TDRD3: variants seen among roughly 807,000 people sequenced by gnomAD.
TDRD3 encodes the protein tudor domain containing 3, also known as tudor domain-containing protein 3.
TDRD3 carries 45 observed loss-of-function variants against 86.7 expected under a neutral mutation model. The observed-to-expected ratio is 0.52, with a 90% CI of 0.41 to 0.67. The LOEUF is 0.67. Ranked by LOEUF, TDRD3 falls within the 30% of genes least tolerant of loss-of-function variation. TDRD3 has a pLI of 0.00. For synonymous variants in TDRD3, 298 were observed against 301.7 expected (o/e 0.99, Z 0.13); for missense variants, 814 against 889.0 (o/e 0.92, Z 1.07).
At chr13:60,537,743 T>G (rs1209918418) in intron 12 of TDRD3, 2 of 152,102 alleles carry the variant, frequency 1.3e-5, no homozygotes, top group Non-Finnish European at 2.9e-5. Context: ...ATTTTTTAAC[T>G]TGTGCACTAT....
chr13:60,439,572 C>T (rs1322645262), intron 1 of TDRD3, 116 bp from the exon 2 acceptor site: 4 of 687,532 alleles, frequency 5.8e-6, no homozygotes, highest in East Asian at 5.7e-5. Flanking sequence ...AAGACTCTTT[C>T]CCTAGTATTT....
In TDRD3 at chr13:60,403,878, G is replaced by C. The variant is rs190403416; in HGVS notation, c.41+6473G>C. Among the ~76,000 whole-genome samples, 317 of 152,214 alleles carry C rather than the reference G, an allele frequency of 2.1e-3. 1 individual carries two copies. The highest frequency in any genetic ancestry group is 5.5e-3 in the Admixed American group (84 of 15,298). On this transcript the variant is annotated intron_variant, in intron 1 of 13. Transcript: ENST00000377881. Reference sequence around the variant, plus strand: ...ATAATATCTTTACAATAATAAGTAAGGCATATACAGAGAAATATGTAACTC... The same window carrying C: ...ATAATATCTTTACAATAATAAGTAACGCATATACAGAGAAATATGTAACTC...
chr13:60,535,447 T>A lies in TDRD3; in HGVS notation c.2118+214T>A, dbSNP rs975332495. 2.2e-5 allele frequency: 9 copies of A among 403,006 alleles called. No homozygotes were observed. The South Asian group carries it at 8.0e-4, about 36-fold the overall frequency. The allele number at this position is 403,006 out of a possible 1,614,324, so 25.0% of individuals were successfully genotyped here. A position where few individuals can be genotyped will look rare whatever the true frequency, so the allele number is the denominator to read the frequency against. ...TTGAATTACTTTTCTTGTATAATGT[T>A]TTGTTGTATTATGCTTTGGAAATAG... On this transcript the variant is annotated intron_variant, in intron 12 of 13. Transcript: ENST00000377881.
At chr13:60,568,088 G>A (rs577528097) in intron 13 of TDRD3, among the ~76,000 whole-genome samples, 1 of 152,162 alleles carries the variant, frequency 6.6e-6, no homozygotes, top group East Asian at 1.9e-4. Context: ...TATTTCTGCT[G>A]GGCAGCACTG....
At chr13:60,487,677 G>T (rs1713209212) in intron 7 of TDRD3, among the ~76,000 whole-genome samples, 1 of 152,068 alleles carries the variant, frequency 6.6e-6, no homozygotes, top group South Asian at 2.1e-4. Flanking sequence ...TTCATCTGAT[G>T]GTGGGCACTT....
chr13:60,542,906 C>A (rs1033395095), intron 12 of TDRD3, among the ~76,000 whole-genome samples: 7 of 152,038 alleles, frequency 4.6e-5, no homozygotes, highest in African/African-American at 1.7e-4. Flanking sequence ...TTGAACTTTA[C>A]TGGACCTGTG....
chr13:60,397,459 G>C (rs9538679), intron 1 of TDRD3, 54 bp downstream of exon 1: 6 of 1,440,972 alleles, frequency 4.2e-6, no homozygotes, highest in Non-Finnish European at 5.5e-6. Flanking sequence ...CGGGGCCCCA[G>C]GGAGGTTGGG....
intron 8 of TDRD3, among the ~76,000 whole-genome samples, chr13:60,509,065 A>G (rs1425523626): frequency 2.0e-5 from 3 of 152,210 alleles, no homozygotes; most frequent in Non-Finnish European, 4.4e-5. Flanking sequence ...ATGTATAAAC[A>G]TGTTAACTAT....
intron 5 of TDRD3, among the ~76,000 whole-genome samples, chr13:60,476,131 G>A (rs912720489): frequency 6.6e-6 from 1 of 152,056 alleles, no homozygotes; most frequent in African/African-American, 2.4e-5. Context: ...GTCTCAAGAA[G>A]GGTATTTCCT....
chr13:60,526,242 C>G (rs1957428577), intron 10 of TDRD3, among the ~76,000 whole-genome samples: 1 of 152,084 alleles, frequency 6.6e-6, no homozygotes, highest in South Asian at 2.1e-4. Flanking sequence ...TACAAGGGAC[C>G]TTAGTTTACC....
chr13:60,553,911 T>A (rs1440564092), intron 12 of TDRD3, among the ~76,000 whole-genome samples: 3 of 152,218 alleles, frequency 2.0e-5, no homozygotes, highest in Non-Finnish European at 4.4e-5. Flanking sequence ...AAATGTAGAT[T>A]TAGTATAAAA....
chr13:60,466,866 C>G (rs1235630865), intron 4 of TDRD3, among the ~76,000 whole-genome samples: 1 of 151,914 alleles, frequency 6.6e-6, no homozygotes, highest in Non-Finnish European at 1.5e-5. Flanking sequence ...ATGATATAGT[C>G]AGCCTCCTGA....
chr13:60,405,591 A>G (rs2137808280), intron 1 of TDRD3, among the ~76,000 whole-genome samples: 1 of 152,288 alleles, frequency 6.6e-6, no homozygotes, highest in South Asian at 2.1e-4. Flanking sequence ...ATAGGGCACT[A>G]GGGAGCATGG....
At chr13:60,524,628 T>C (rs1035295335) in intron 10 of TDRD3, among the ~76,000 whole-genome samples, 1 of 152,156 alleles carries the variant, frequency 6.6e-6, no homozygotes, top group Admixed American at 6.5e-5. Context: ...TTCAAAATAC[T>C]TACTTTATAT....
At position 60,509,660 on chromosome 13, in the gene TDRD3, A is replaced by G. The variant is rs780043444; in HGVS notation, c.859-103A>G. 28 of 1,363,712 alleles carry G rather than the reference A, an allele frequency of 2.1e-5. 1 individual carries two copies. In the Middle Eastern group the frequency reaches 8.1e-4, roughly 40 times the overall value. The allele number at this position is 1,363,712 out of a possible 1,614,324, so 84.5% of individuals were successfully genotyped here. On this transcript the variant is annotated intron_variant, in intron 8 of 13. Coordinates refer to ENST00000377881, the MANE Select transcript of TDRD3 (RefSeq NM_001146070.2). Reference sequence around the variant, plus strand: ...TGTATTAGAATGACATTTTTACATAAGTATGGGATGTAATTTTTAGTTAAA... The same window carrying G: ...TGTATTAGAATGACATTTTTACATAGGTATGGGATGTAATTTTTAGTTAAA...
In TDRD3 at chr13:60,528,745, C is replaced by G; in HGVS notation, c.1520C>G (p.Ser507Ter). The part of the protein sequence containing the change: ...KKRDNSMQSR[S>*]GKGPSFAEAK... ...AGAGATAACTCTATGCAAAGCAGAT[C>G]AGGAAAAGGTCCCTCCTTTGCAGAG... Residue 507 changes from serine to a stop codon, truncating the protein, a stop_gained, in exon 11 of 14, where the codon TCA becomes TGA. Coordinates refer to ENST00000377881, the MANE Select transcript of TDRD3 (RefSeq NM_001146070.2). LOFTEE classifies it high-confidence loss of function. 1 of 1,612,940 alleles carries G rather than the reference C, an allele frequency of 6.2e-7. No individual in the cohort carries two copies. The highest frequency in any genetic ancestry group is 1.7e-5 in the Admixed American group (1 of 59,816).
chr13:60,488,786 C>T (rs1468572917), intron 7 of TDRD3, among the ~76,000 whole-genome samples: 1 of 152,032 alleles, frequency 6.6e-6, no homozygotes, highest in Non-Finnish European at 1.5e-5. Context: ...ACCATGTTGG[C>T]CAGGCTGGTC....
chr13:60,573,666 G>A lies in TDRD3; in HGVS notation c.*60G>A. The A allele has an allele frequency of 2.0e-5, 20 of 984,812 alleles. No individual in the cohort carries two copies. The highest frequency in any genetic ancestry group is 4.7e-5 in the South Asian group (1 of 21,264). 61.0% of individuals were successfully genotyped at this position (984,812 alleles called of 1,614,324 possible). On this transcript the variant is annotated 3_prime_UTR_variant, in exon 14 of 14. Coordinates refer to ENST00000377881, the MANE Select transcript of TDRD3 (RefSeq NM_001146070.2). Reference sequence around the variant, plus strand: ...GACTGAAACACCCTGGTGGAAACCTGTTGACAGACCTTCCACTTTCTCTTC... The same window carrying A: ...GACTGAAACACCCTGGTGGAAACCTATTGACAGACCTTCCACTTTCTCTTC...
chr13:60,538,383 ATT>A (rs34945980), intron 12 of TDRD3, among the ~76,000 whole-genome samples: 3 of 138,660 alleles, frequency 2.2e-5, no homozygotes, highest in Non-Finnish European at 3.1e-5. Flanking sequence ...TTTCACCTGT[ATT>A]TTTTTTTTTT....
Sources: allele counts gnomAD v4.1 joint callset (sites outside exome capture counted in the v4.1 genomes callset), GRCh38; gene constraint gnomAD v4.1.1; transcripts MANE v1.5; gene names NCBI Gene and HGNC (gene_info 2026-07-23, HGNC 2026-07-21).